The following ZNF592 variants were observed in gnomAD, a reference collection of about 807,000 sequenced individuals.
ZNF592 encodes spinocerebellar ataxia, autosomal recessive 5.
A neutral mutation model predicts 80.3 loss-of-function variants in ZNF592; 11 were observed. The ratio of observed to expected loss-of-function variants is 0.14; its 90% CI spans 0.09 to 0.23. The LOEUF (loss-of-function observed/expected upper bound fraction) is 0.23. ZNF592 is among the 10% of genes least tolerant of loss of function. ZNF592 has a pLI of 1.00. For synonymous variants in ZNF592, 646 were observed against 640.3 expected, an observed-to-expected ratio of 1.01 and a Z score of -0.13; for missense variants, 1,420 against 1,633.9, an observed-to-expected ratio of 0.87 and a Z score of 2.26.
rs547932350 is a variant in ZNF592, at chr15:84,806,025, A to G, written c.*3632A>G. ...TATATAGTATTTTGGAGATTATTCCAAATTCATACATTGGGTCAGAGTAAT... is the reference window on the plus strand; with the variant it reads ...TATATAGTATTTTGGAGATTATTCCGAATTCATACATTGGGTCAGAGTAAT... On this transcript the variant is annotated 3_prime_UTR_variant, in exon 11 of 11. Coordinates refer to ENST00000560079, the MANE Select transcript of ZNF592 (RefSeq NM_014630.3). The G allele has an allele frequency of 7.9e-4, 121 of 152,654 alleles. No individual in the cohort carries two copies. Among genetic ancestry groups the G allele is most frequent in the Non-Finnish European group, 1.4e-3 (98 of 68,038 alleles). 9.5% of individuals were successfully genotyped at this position (152,654 alleles called of 1,614,324 possible).
chr15:84,766,524 A>G lies in ZNF592; in HGVS notation c.-150+1709A>G, dbSNP rs16974516. 9.0e-3 allele frequency among the ~76,000 whole-genome samples: 1,362 copies of G among 152,078 alleles called. 26 individuals carry two copies. The highest frequency in any genetic ancestry group is 0.031 in the African/African-American group (1,296 of 41,448). The stretch of plus-strand genomic sequence containing the variant: ...CTGAGCAGTCATGGTGAAAGAGCAC[A>G]CCCAGATCTCTGTTGAGAGGGGAAG... On this transcript the variant is annotated intron_variant, in intron 2 of 10. Coordinates refer to ENST00000560079, the MANE Select transcript of ZNF592 (RefSeq NM_014630.3).
rs1963148180 is a variant in ZNF592, at chr15:84,803,114, GTGGGTCTTTGTTC to G, written c.*724_*736del. 6.6e-6 allele frequency: 1 copy of G among 152,548 alleles called. No homozygotes were observed. The highest frequency in any genetic ancestry group is 2.4e-5 in the African/African-American group (1 of 41,406). 9.4% of individuals were successfully genotyped at this position (152,548 alleles called of 1,614,324 possible). On this transcript the variant is annotated 3_prime_UTR_variant, in exon 11 of 11. Transcript: ENST00000560079. ...CAGACCCCTTGAGAAGGCGCTGTGG[GTGGGTCTTTGTTC>G]TGCTGTTCTGCCTTTCCTGACAGGT...
intron 2 of ZNF592, among the ~76,000 whole-genome samples, chr15:84,767,728 CTGTCTTTTTCTATCTTTTAAAAAA>C (rs1325282651): frequency 3.9e-5 from 6 of 151,960 alleles, no homozygotes; most frequent in African/African-American, 1.5e-4. Context: ...CCCTCCAGTT[CTGTCTTTTTCTATCTTTTAAAAAA>C]TATAGCAGCT....
At chr15:84,793,105 C>G (rs1034372649) in intron 5 of ZNF592, among the ~76,000 whole-genome samples, 7 of 150,786 alleles carry the variant, frequency 4.6e-5, no homozygotes, top group African/African-American at 1.5e-4. Context: ...AAGATGGAGT[C>G]TCGCTGTGTC....
rs1437173400 is a variant in ZNF592, at chr15:84,790,104, C to T, written c.2221-601C>T. On this transcript the variant is annotated intron_variant, in intron 4 of 10. Coordinates refer to ENST00000560079, the MANE Select transcript of ZNF592 (RefSeq NM_014630.3). ...GCCACCCATCCCACCCCCCAACCCC[C>T]ACCCCCGCAACTCTCCTAACCTGCA... Among the ~76,000 whole-genome samples the T allele has an allele frequency of 2.7e-5, 4 of 149,992 alleles. No individual in the cohort carries two copies. In the East Asian group the frequency reaches 7.9e-4, roughly 30 times the overall value.
chr15:84,782,858 C>T lies in ZNF592; in HGVS notation c.183C>T (p.Pro61=), dbSNP rs144989451. The T allele has an allele frequency of 9.7e-4, 1,571 of 1,614,084 alleles. 6 individuals are homozygous for T. Among genetic ancestry groups the T allele is most frequent in the African/African-American group, 3.4e-3 (254 of 74,984 alleles). ...CCTTGTCTCACTCAGGATCAGCCCC[C>T]GATGTGCCGGCCGTGAGTGTCATTG... ...SVSLSHSGSA[P]DVPAVSVIVK... is the part of the protein sequence containing the mutation. The change falls in exon 4 of 11, where the codon CCC becomes CCT. Residue 61 remains proline (P), a synonymous_variant. Transcript: ENST00000560079.
chr15:84,797,718 T>C, intron 5 of ZNF592, 151 bp from the exon 6 acceptor site: 1 of 909,924 alleles, frequency 1.1e-6, no homozygotes, highest in Non-Finnish European at 1.8e-6. Flanking sequence ...CAGGACGTAC[T>C]TGTCAAGGGT....
chr15:84,769,806 C>T (rs1382435964), intron 2 of ZNF592, among the ~76,000 whole-genome samples: 1 of 152,094 alleles, frequency 6.6e-6, no homozygotes, highest in Non-Finnish European at 1.5e-5. Context: ...ACTGTGTTGC[C>T]TAGGCTGGAG....
Position 84,804,754 on chromosome 15 carries a change from G to C in ZNF592, c.*2361G>C, listed in dbSNP as rs1963195258. 1 of 152,254 alleles carries C rather than the reference G, an allele frequency of 6.6e-6. No homozygotes were observed. Among genetic ancestry groups the C allele is most frequent in the Non-Finnish European group, 1.5e-5 (1 of 68,070 alleles). The allele number at this position is 152,254 out of a possible 1,614,324, so 9.4% of individuals were successfully genotyped here. On this transcript the variant is annotated 3_prime_UTR_variant, in exon 11 of 11. Transcript: ENST00000560079. ...GTTTGGACTTGGATGCTGATTAGCAGTTATGAAGTGGCCCAGACACCTAGC... is the reference window on the plus strand; with the variant it reads ...GTTTGGACTTGGATGCTGATTAGCACTTATGAAGTGGCCCAGACACCTAGC...
intron 5 of ZNF592, among the ~76,000 whole-genome samples, chr15:84,797,268 A>G (rs1037939026): frequency 2.6e-5 from 4 of 152,112 alleles, no homozygotes; most frequent in African/African-American, 9.7e-5. Flanking sequence ...CCCCAGTGGA[A>G]CTATTGACCA....
At position 84,784,277 on chromosome 15, in the gene ZNF592, A is replaced by G. The variant is rs1962518485; in HGVS notation, c.1602A>G (p.Thr534=). 6.2e-7 allele frequency: 1 copy of G among 1,614,220 alleles called. No homozygotes were observed. Among genetic ancestry groups the G allele is most frequent in the Non-Finnish European group, 8.5e-7 (1 of 1,180,036 alleles). Residue 534 remains threonine (T), a synonymous_variant, in exon 4 of 11, where the codon ACA becomes ACG. Coordinates refer to ENST00000560079, the MANE Select transcript of ZNF592 (RefSeq NM_014630.3). The surrounding 1 kb of genome is among the most constrained non-coding windows in gnomAD (Gnocchi z 5.8). ...AAAGACGGAGCCAGCCACAGCTTAC[A>G]CAAATGTCGGTGCCCCTGGTCCACC... ...SVQRRSQPQL[T]QMSVPLVHQV...
intron 1 of ZNF592, chr15:84,754,524 T>C (rs1380640366): frequency 6.6e-6 from 1 of 152,028 alleles, no homozygotes; most frequent in Non-Finnish European, 1.5e-5. Context: ...ATTGTGCCAC[T>C]GCACTCCAGC....
chr15:84,774,252 A>G (rs1024343200), intron 2 of ZNF592, among the ~76,000 whole-genome samples: 2 of 152,234 alleles, frequency 1.3e-5, no homozygotes, highest in African/African-American at 2.4e-5. Context: ...TATTGCTTCT[A>G]CAAATACTTA....
At chr15:84,777,888 G>T (rs966256862) in intron 2 of ZNF592, among the ~76,000 whole-genome samples, 3 of 151,918 alleles carry the variant, frequency 2.0e-5, no homozygotes, top group African/African-American at 7.2e-5. Context: ...TTTTAGTAGA[G>T]ACGGGGTTTC....
At position 84,782,798 on chromosome 15, in the gene ZNF592, C is replaced by G. The variant is rs769542155; in HGVS notation, c.123C>G (p.Leu41=). ...QTPSEENESP[L]KPPGICMDES... is the part of the protein sequence containing the mutation. ...CCAGTGAGGAGAATGAGAGTCCCCT[C>G]AAACCTCCAGGCATATGTATGGATG... Residue 41 remains leucine, a synonymous_variant, in exon 4 of 11, where the codon CTC becomes CTG. Coordinates refer to ENST00000560079, the MANE Select transcript of ZNF592 (RefSeq NM_014630.3). 2 of 1,614,160 alleles carry G rather than the reference C, an allele frequency of 1.2e-6. No homozygotes were observed. Among genetic ancestry groups the G allele is most frequent in the Non-Finnish European group, 1.7e-6 (2 of 1,180,032 alleles).
At chr15:84,758,929 C>G (rs1899264273) in intron 1 of ZNF592, among the ~76,000 whole-genome samples, 1 of 151,978 alleles carries the variant, frequency 6.6e-6, no homozygotes, top group Admixed American at 6.6e-5. Flanking sequence ...TTGTCTCTAA[C>G]TAACTAAATA....
In ZNF592 at chr15:84,783,558, A is replaced by G; in HGVS notation, c.883A>G (p.Arg295Gly). 6.2e-7 allele frequency: 1 copy of G among 1,614,216 alleles called. No individual in the cohort carries two copies. The highest frequency in any genetic ancestry group is 8.5e-7 in the Non-Finnish European group (1 of 1,180,030). The change falls in exon 4 of 11, where the codon AGA becomes GGA. Residue 295 changes from arginine to glycine, a missense_variant. By Grantham distance (125) the Arg-to-Gly change is moderately radical. This residue lies in a region of ZNF592 where 373 missense variants were observed against 355.5 expected (regional missense o/e 1.05). Coordinates refer to ENST00000560079, the MANE Select transcript of ZNF592 (RefSeq NM_014630.3). This position sits in a 1 kb window ranked among gnomAD's most constrained non-coding sequence, Gnocchi z 5.0. ...VAALVALQAK[R>G]VASVTKEDQP... ...AGCCTTGGTGGCCTTGCAGGCCAAA[A>G]GAGTGGCTAGTGTCACTAAGGAGGA...
rs1962468056 is a variant in ZNF592, at chr15:84,783,095, G to A, written c.420G>A (p.Gln140=). 1.9e-6 allele frequency: 3 copies of A among 1,613,968 alleles called. No homozygotes were observed. Among genetic ancestry groups the A allele is most frequent in the African/African-American group, 1.3e-5 (1 of 74,900 alleles). ...PKSEPLPTFN[Q]FSPISSPEPE... ...CAGAGCCATTACCCACCTTCAACCAGTTCAGTCCAATCTCCAGCCCAGAAC... is the reference window on the plus strand; with the variant it reads ...CAGAGCCATTACCCACCTTCAACCAATTCAGTCCAATCTCCAGCCCAGAAC... The change falls in exon 4 of 11, where the codon CAG becomes CAA. Residue 140 remains glutamine, a synonymous_variant. Coordinates refer to ENST00000560079, the MANE Select transcript of ZNF592 (RefSeq NM_014630.3). This position sits in a 1 kb window ranked among gnomAD's most constrained non-coding sequence, Gnocchi z 5.0.
At position 84,804,578 on chromosome 15, in the gene ZNF592, A is replaced by G. The variant is rs75303648; in HGVS notation, c.*2185A>G. 9.1e-4 allele frequency: 138 copies of G among 152,348 alleles called. No individual in the cohort carries two copies. In the East Asian group the frequency reaches 0.023, roughly 25 times the overall value. The allele number at this position is 152,348 out of a possible 1,614,324, so 9.4% of individuals were successfully genotyped here. A position where few individuals can be genotyped will look rare whatever the true frequency, so the allele number is the denominator to read the frequency against. The stretch of plus-strand genomic sequence containing the variant: ...ACCTCACTGTCTCCTCTCCTTCACA[A>G]TAGAGTTAGTAATTCCCATCCAACT... On this transcript the variant is annotated 3_prime_UTR_variant, in exon 11 of 11. Transcript: ENST00000560079.
Sources: allele counts gnomAD v4.1 joint callset (sites outside exome capture counted in the v4.1 genomes callset), GRCh38; gene constraint gnomAD v4.1.1; regional missense constraint gnomAD v4.1.1; non-coding constraint Gnocchi (gnomAD v3.1); transcripts MANE v1.5; gene names NCBI Gene and HGNC (gene_info 2026-07-23, HGNC 2026-07-21).